The following NRG3 variants were observed in gnomAD, a reference collection of about 807,000 sequenced individuals.
The protein encoded by NRG3 is neuregulin 3.
In NRG3, 31 loss-of-function variants were observed where a neutral mutation model predicts 66.9. That is an observed-to-expected ratio of 0.46 (90% CI 0.35 to 0.63). The LOEUF is 0.63. NRG3 is among the 20% of genes least tolerant of loss of function. The pLI is 0.00. For synonymous variants in NRG3, 393 were observed against 359.4 expected, an observed-to-expected ratio of 1.09 and a Z score of -1.06; for missense variants, 910 against 878.9, an observed-to-expected ratio of 1.04 and a Z score of -0.45.
intron 2 of NRG3, among the ~76,000 whole-genome samples, chr10:82,466,271 T>C (rs1590225950): frequency 6.6e-6 from 1 of 152,208 alleles, no homozygotes; most frequent in African/African-American, 2.4e-5. Flanking sequence ...GCCAGAGTCA[T>C]GAACTCTAGA....
chr10:82,698,980 C>A (rs1278842317), intron 2 of NRG3, among the ~76,000 whole-genome samples: 2 of 152,092 alleles, frequency 1.3e-5, no homozygotes, highest in Non-Finnish European at 2.9e-5. Flanking sequence ...CTATGGCTAA[C>A]TCATCATGGA....
chr10:82,680,335 T>G (rs1045285924), intron 2 of NRG3, among the ~76,000 whole-genome samples: 2 of 152,192 alleles, frequency 1.3e-5, no homozygotes, highest in Non-Finnish European at 2.9e-5. Flanking sequence ...GAATGAAATG[T>G]GCCATTGTTT....
intron 1 of NRG3, among the ~76,000 whole-genome samples, chr10:81,888,713 A>G (rs761639731): frequency 3.9e-5 from 6 of 152,118 alleles, no homozygotes; most frequent in Non-Finnish European, 8.8e-5. Context: ...AGACGGCCTC[A>G]CCTTTTCCTT....
At chr10:82,880,322 C>A (rs1395010003) in intron 4 of NRG3, among the ~76,000 whole-genome samples, 1 of 151,970 alleles carries the variant, frequency 6.6e-6, no homozygotes, top group Admixed American at 6.6e-5. Flanking sequence ...AGAAAGCTGT[C>A]CATATTTAGA....
intron 1 of NRG3, among the ~76,000 whole-genome samples, chr10:82,343,057 A>G (rs1352964344): frequency 6.6e-6 from 1 of 152,072 alleles, no homozygotes; most frequent in Non-Finnish European, 1.5e-5. Flanking sequence ...TTGTTGACTT[A>G]GTCAAAGGTC....
chr10:82,814,100 T>C (rs2061608633), intron 3 of NRG3, among the ~76,000 whole-genome samples: 1 of 152,248 alleles, frequency 6.6e-6, no homozygotes, highest in South Asian at 2.1e-4. Context: ...GGATCTCCTT[T>C]GATGTAATTT....
intron 4 of NRG3, among the ~76,000 whole-genome samples, chr10:82,941,222 G>A (rs905527231): frequency 6.6e-6 from 1 of 151,854 alleles, no homozygotes; most frequent in African/African-American, 2.4e-5. Flanking sequence ...ACCCTGCCAG[G>A]GTGCCACCCT....
At chr10:82,396,135 T>A (rs948365481) in intron 2 of NRG3, among the ~76,000 whole-genome samples, 2 of 152,180 alleles carry the variant, frequency 1.3e-5, no homozygotes, top group Non-Finnish European at 2.9e-5. Context: ...GAGTTTCCAA[T>A]ATCTTATCCT....
intron 2 of NRG3, among the ~76,000 whole-genome samples, chr10:82,455,881 G>A (rs2091245275): frequency 6.6e-6 from 1 of 152,056 alleles, no homozygotes; most frequent in African/African-American, 2.4e-5. Context: ...GCCTCCCAAA[G>A]TGCTGGGAGT....
chr10:82,154,107 T>C (rs1363076221), intron 1 of NRG3, among the ~76,000 whole-genome samples: 1 of 152,096 alleles, frequency 6.6e-6, no homozygotes, highest in Non-Finnish European at 1.5e-5. Context: ...TTTGCTTTTG[T>C]TGCCTATGCT....
At chr10:82,806,500 T>A (rs191592085) in intron 3 of NRG3, among the ~76,000 whole-genome samples, 10 of 152,342 alleles carry the variant, frequency 6.6e-5, no homozygotes, top group African/African-American at 2.4e-4. Context: ...TGAGCTAGGC[T>A]TCTACTCACG....
At chr10:82,878,925 T>C (rs1174863898) in intron 4 of NRG3, among the ~76,000 whole-genome samples, 1 of 152,186 alleles carries the variant, frequency 6.6e-6, no homozygotes, top group African/African-American at 2.4e-5. Context: ...TTCTCATTTC[T>C]CTACCTACCC....
intron 3 of NRG3, among the ~76,000 whole-genome samples, chr10:82,812,744 C>T (rs369320847): frequency 1.3e-5 from 2 of 152,232 alleles, no homozygotes; most frequent in South Asian, 4.1e-4. Flanking sequence ...CCTGGCTTAT[C>T]ACACTCAAAT....
chr10:82,316,540 T>C (rs1381622833), intron 1 of NRG3, among the ~76,000 whole-genome samples: 2 of 152,128 alleles, frequency 1.3e-5, no homozygotes, highest in African/African-American at 4.8e-5. Flanking sequence ...CCTGGTAAAA[T>C]GAAGGGGTGG....
rs140927623 is a variant in NRG3, at chr10:81,989,192, C to T, written c.823+113029C>T. ...TAACTACATTGGGAGACTTCGAGTA[C>T]GGAGAGTTTTTTTGGATTGTGGAAA... On this transcript the variant is annotated intron_variant, in intron 1 of 8. Coordinates refer to ENST00000372141, the MANE Select transcript of NRG3 (RefSeq NM_001010848.4). Among the ~76,000 whole-genome samples, 29 of 152,094 alleles carry T rather than the reference C, an allele frequency of 1.9e-4. 1 individual carries two copies. The Middle Eastern group carries it at 0.017, about 89-fold the overall frequency.
intron 2 of NRG3, among the ~76,000 whole-genome samples, chr10:82,523,522 T>C (rs771567841): frequency 8.5e-5 from 13 of 152,180 alleles, no homozygotes; most frequent in Non-Finnish European, 1.8e-4. Flanking sequence ...TTATATCTTC[T>C]TTGGGTGAAT....
intron 2 of NRG3, among the ~76,000 whole-genome samples, chr10:82,736,774 A>G (rs915287478): frequency 6.6e-6 from 1 of 152,224 alleles, no homozygotes. Flanking sequence ...AAACAAAAAG[A>G]CACTTATCCT....
chr10:82,863,297 T>C (rs925837962), intron 3 of NRG3, among the ~76,000 whole-genome samples: 3 of 152,222 alleles, frequency 2.0e-5, no homozygotes, highest in South Asian at 4.1e-4. Context: ...TCTTTGCTAT[T>C]GTAAATAGTG....
chr10:82,127,735 T>G (rs2068539830), intron 1 of NRG3, among the ~76,000 whole-genome samples: 1 of 151,796 alleles, frequency 6.6e-6, no homozygotes, highest in Non-Finnish European at 1.5e-5. Flanking sequence ...TGCCCCAGGG[T>G]GGACTCCTTA....
Sources: gnomAD v4.1 joint callset for allele counts (sites outside exome capture counted in the v4.1 genomes callset) on GRCh38, gnomAD v4.1.1 for gene constraint, MANE v1.5 for transcripts, NCBI Gene and HGNC (gene_info 2026-07-23, HGNC 2026-07-21) for gene names.